The following ACER3 variants were observed in gnomAD, a reference collection of about 807,000 sequenced individuals.
The protein encoded by ACER3 is alkaline ceramidase 3.
In ACER3, 16 loss-of-function variants were observed where a neutral mutation model predicts 48.9. The ratio of observed to expected loss-of-function variants is 0.33; its 90% confidence interval spans 0.22 to 0.50. The LOEUF is 0.50. ACER3 is among the 20% of genes least tolerant of loss of function. The pLI is 0.98. For missense variants in ACER3, 227 were observed against 326.0 expected (o/e 0.70, Z 2.34); for synonymous variants, 109 against 107.8 (o/e 1.01, Z -0.07).
intron 7 of ACER3, among the ~76,000 whole-genome samples, chr11:77,003,157 CAT>C (rs1212531996): frequency 2.6e-5 from 4 of 152,286 alleles, no homozygotes; most frequent in Non-Finnish European, 5.9e-5. Flanking sequence ...TTACATTAAA[CAT>C]ATGCAGAAAA....
intron 5 of ACER3, among the ~76,000 whole-genome samples, chr11:76,987,755 A>C (rs190336581): frequency 3.9e-5 from 6 of 152,282 alleles, no homozygotes; most frequent in African/African-American, 1.4e-4. Flanking sequence ...TGGGCAACAT[A>C]GTGAGACCTC....
chr11:76,997,456 G>C (rs762747675), intron 6 of ACER3, among the ~76,000 whole-genome samples: 1 of 152,122 alleles, frequency 6.6e-6, no homozygotes, highest in Non-Finnish European at 1.5e-5. Flanking sequence ...TATAGCTATG[G>C]TTATGGATTT....
At chr11:76,970,065 A>G (rs1948254875) in intron 3 of ACER3, among the ~76,000 whole-genome samples, 1 of 152,070 alleles carries the variant, frequency 6.6e-6, no homozygotes, top group African/African-American at 2.4e-5. Context: ...TAATTTGGTA[A>G]TGGCTGTTTA....
At chr11:76,876,918 A>G (rs1294240813) in intron 1 of ACER3, among the ~76,000 whole-genome samples, 2 of 152,180 alleles carry the variant, frequency 1.3e-5, no homozygotes, top group Non-Finnish European at 2.9e-5. Context: ...TTTTAAAATC[A>G]TGAAGTTTGT....
At chr11:76,962,764 T>C (rs1232225747) in intron 3 of ACER3, among the ~76,000 whole-genome samples, 1 of 151,438 alleles carries the variant, frequency 6.6e-6, no homozygotes, top group Non-Finnish European at 1.5e-5. Context: ...GAGAGTGTCA[T>C]GCAGTGGGGT....
intron 1 of ACER3, among the ~76,000 whole-genome samples, chr11:76,910,669 C>T (rs1946355754): frequency 1.3e-5 from 2 of 151,860 alleles, no homozygotes; most frequent in South Asian, 4.1e-4. Context: ...GTTTAGTAAC[C>T]CAGAGAAATG....
At chr11:76,909,336 A>G (rs906183098) in intron 1 of ACER3, among the ~76,000 whole-genome samples, 5 of 152,208 alleles carry the variant, frequency 3.3e-5, no homozygotes, top group Non-Finnish European at 5.9e-5. Flanking sequence ...TGAACAGGCA[A>G]TCTTAAAAAT....
chr11:77,007,744 G>C (rs1294307399), intron 7 of ACER3, among the ~76,000 whole-genome samples: 1 of 152,202 alleles, frequency 6.6e-6, no homozygotes, highest in Non-Finnish European at 1.5e-5. Context: ...GGGTGGGGAT[G>C]AGAGTCCCAA....
intron 2 of ACER3, among the ~76,000 whole-genome samples, chr11:76,956,101 G>T (rs1947832583): frequency 6.6e-6 from 1 of 151,130 alleles, no homozygotes; most frequent in African/African-American, 2.4e-5. Flanking sequence ...TAGGGGTGAT[G>T]AAAATGTTCT....
intron 2 of ACER3, among the ~76,000 whole-genome samples, chr11:76,956,013 A>G (rs1364656612): frequency 6.6e-6 from 1 of 152,216 alleles, no homozygotes; most frequent in African/African-American, 2.4e-5. Flanking sequence ...GTACAGACAA[A>G]GTAGACTAAT....
intron 1 of ACER3, among the ~76,000 whole-genome samples, chr11:76,897,732 A>G (rs982381895): frequency 6.6e-6 from 1 of 152,152 alleles, no homozygotes. Flanking sequence ...GACAAGGCTC[A>G]ATTTGCTCAT....
At chr11:77,007,230 T>G (rs1949170939) in intron 7 of ACER3, among the ~76,000 whole-genome samples, 1 of 152,202 alleles carries the variant, frequency 6.6e-6, no homozygotes, top group East Asian at 1.9e-4. Flanking sequence ...TTTATTTTTA[T>G]TTTTTTAACA....
At chr11:76,882,153 C>T (rs536170606) in intron 1 of ACER3, among the ~76,000 whole-genome samples, 22 of 151,912 alleles carry the variant, frequency 1.4e-4, no homozygotes, top group South Asian at 2.1e-4. Context: ...TACAGGCGCC[C>T]GCCACCACGC....
intron 2 of ACER3, among the ~76,000 whole-genome samples, chr11:76,930,862 G>T (rs1420583294): frequency 2.6e-5 from 4 of 152,038 alleles, no homozygotes; most frequent in Non-Finnish European, 5.9e-5. Flanking sequence ...TTTTACATTT[G>T]CTGAGGAGAG....
chr11:76,949,348 T>C (rs888022258), intron 2 of ACER3, among the ~76,000 whole-genome samples: 1 of 152,184 alleles, frequency 6.6e-6, no homozygotes, highest in Admixed American at 6.5e-5. Context: ...CTATTACTTA[T>C]TTTGTGGAGT....
At chr11:76,938,580 A>G (rs938344703) in intron 2 of ACER3, among the ~76,000 whole-genome samples, 7 of 152,086 alleles carry the variant, frequency 4.6e-5, no homozygotes, top group African/African-American at 1.2e-4. Context: ...CAGCCTCCCA[A>G]TGTGTTCAGA....
chr11:77,001,588 A>G (rs1189565879), intron 7 of ACER3, among the ~76,000 whole-genome samples: 1 of 152,152 alleles, frequency 6.6e-6, no homozygotes, highest in Non-Finnish European at 1.5e-5. Context: ...TGCTGCAAAT[A>G]GAAATAGTGT....
chr11:76,896,815 G>A (rs773840676), intron 1 of ACER3, among the ~76,000 whole-genome samples: 9 of 151,998 alleles, frequency 5.9e-5, no homozygotes, highest in Non-Finnish European at 1.3e-4. Context: ...GAAGTCAGCT[G>A]GATTTTCATA....
intron 7 of ACER3, among the ~76,000 whole-genome samples, chr11:77,005,920 C>T (rs2135286832): frequency 7.5e-6 from 1 of 133,340 alleles, no homozygotes; most frequent in East Asian, 2.3e-4. Flanking sequence ...TTTATCCTGA[C>T]CCATTTAAAA....
Sources: allele counts gnomAD v4.1 joint callset (sites outside exome capture counted in the v4.1 genomes callset), GRCh38; gene constraint gnomAD v4.1.1; transcripts MANE v1.5; gene names NCBI Gene and HGNC (gene_info 2026-07-23, HGNC 2026-07-21).